The following ACTR10 variants were observed in gnomAD, a reference collection of about 807,000 sequenced individuals.
The protein encoded by ACTR10 is actin-related protein 10.
A neutral mutation model predicts 56.2 loss-of-function variants in ACTR10; 43 were observed. That is an observed-to-expected ratio of 0.77 (90% CI 0.60 to 0.99). The LOEUF is 0.99. ACTR10 is among the 50% of genes least tolerant of loss of function. The pLI, the probability that ACTR10 is intolerant of heterozygous loss-of-function variation, is 0.00. For missense variants in ACTR10, 466 were observed against 507.8 expected (o/e 0.92, Z 0.79); for synonymous variants, 170 against 176.3 (o/e 0.96, Z 0.28).
chr14:58,233,554 G>T (rs1339522859), intron 12 of ACTR10, among the ~76,000 whole-genome samples: 1 of 152,204 alleles, frequency 6.6e-6, no homozygotes, highest in East Asian at 1.9e-4. Context: ...GACTATTCAT[G>T]TTATTGGTAA....
intron 10 of ACTR10, among the ~76,000 whole-genome samples, chr14:58,226,456 A>G (rs1028831709): frequency 6.6e-6 from 1 of 151,424 alleles, no homozygotes; most frequent in South Asian, 2.1e-4. Context: ...AGGAAATTCA[A>G]TGAACATGGA....
chr14:58,232,014 C>T, intron 11 of ACTR10, 52 bp from the exon 12 acceptor site: 1 of 1,170,042 alleles, frequency 8.5e-7, no homozygotes, highest in South Asian at 1.6e-5. Context: ...TTCAATCAAG[C>T]ATTATTTGTA....
At chr14:58,227,029 A>G (rs1312536860) in intron 10 of ACTR10, among the ~76,000 whole-genome samples, 3 of 152,216 alleles carry the variant, frequency 2.0e-5, no homozygotes, top group Non-Finnish European at 4.4e-5. Flanking sequence ...AAAAAATCGT[A>G]TACTAAACAT....
rs754063779 is a variant in ACTR10, at chr14:58,208,025, T to A, written c.233+7T>A. Reference sequence around the variant, plus strand: ...TCCACATACTATATTTCAGGTAAGATACATTTTGTTTTCTAGCTTTTATGA... The same window carrying A: ...TCCACATACTATATTTCAGGTAAGAAACATTTTGTTTTCTAGCTTTTATGA... On this transcript the variant is annotated splice_region_variant and intron_variant, in intron 3 of 12. Coordinates refer to ENST00000254286, the MANE Select transcript of ACTR10 (RefSeq NM_018477.3). The A allele has an allele frequency of 6.0e-6, 9 of 1,502,214 alleles. No individual in the cohort carries two copies. In the East Asian group the frequency reaches 1.3e-4, roughly 22 times the overall value. The allele number at this position is 1,502,214 out of a possible 1,614,324, so 93.1% of individuals were successfully genotyped here.
chr14:58,211,123 TCAA>T, intron 4 of ACTR10, 166 bp from the exon 5 acceptor site: 1 of 506,002 alleles, frequency 2.0e-6, no homozygotes, highest in Non-Finnish European at 3.5e-6. Flanking sequence ...TTTATATAAA[TCAA>T]CAAACTAGTT....
In ACTR10 at chr14:58,234,463, C is replaced by A. The variant is rs1487125944; in HGVS notation, c.1166C>A (p.Ser389Tyr). Residue 389 changes from serine (S) to tyrosine (Y), a missense_variant, in exon 13 of 13, where the codon TCT (serine) becomes TAT (tyrosine). Coordinates refer to ENST00000254286, the MANE Select transcript of ACTR10 (RefSeq NM_018477.3). ...ACGGGCCGTATACCTGATTGGTGTT[C>A]TCTCAATAACCCACCTTTGGAAATG... ...NQTGRIPDWC[S>Y]LNNPPLEMMF... 2 of 1,613,246 alleles carry A rather than the reference C, an allele frequency of 1.2e-6. No individual in the cohort carries two copies. Among genetic ancestry groups the A allele is most frequent in the Non-Finnish European group, 1.7e-6 (2 of 1,179,618 alleles).
At chr14:58,226,193 G>A (rs1175666621) in intron 10 of ACTR10, among the ~76,000 whole-genome samples, 2 of 152,100 alleles carry the variant, frequency 1.3e-5, no homozygotes, top group African/African-American at 4.8e-5. Flanking sequence ...TTGAGCCCAG[G>A]AGTTTGAGGT....
chr14:58,213,573 A>C, intron 5 of ACTR10, 58 bp from the exon 6 acceptor site: 1 of 1,235,292 alleles, frequency 8.1e-7, no homozygotes, highest in Non-Finnish European at 1.1e-6. Flanking sequence ...GGTGAGGAAA[A>C]TATCAAGGAA....
intron 2 of ACTR10, among the ~76,000 whole-genome samples, chr14:58,206,035 G>A (rs536418381): frequency 1.3e-5 from 2 of 152,020 alleles, no homozygotes; most frequent in South Asian, 2.1e-4. Flanking sequence ...AAAAACGGGG[G>A]CGGGGGATGG....
Position 58,209,031 on chromosome 14 carries a change from T to C in ACTR10, c.266T>C (p.Val89Ala). Residue 89 changes from valine to alanine, a missense_variant, in exon 4 of 13, where the codon GTT (valine) becomes GCT (alanine). By Grantham distance (64) the Val-to-Ala change is moderately conservative. Transcript: ENST00000254286. ...TTGGTGAATCCCAGAGACCGCCGAG[T>C]TGTGATTATCGAATCGGTATTATGT... is the stretch of plus-strand genomic sequence containing the variant. ...HLLVNPRDRR[V>A]VIIESVLCPS... The C allele has an allele frequency of 6.2e-7, 1 of 1,612,702 alleles. No homozygotes were observed. Among genetic ancestry groups the C allele is most frequent in the East Asian group, 2.2e-5 (1 of 44,818 alleles).
chr14:58,232,650 G>A (rs1216308596), intron 12 of ACTR10, among the ~76,000 whole-genome samples: 2 of 151,506 alleles, frequency 1.3e-5, no homozygotes, highest in African/African-American at 4.8e-5. Context: ...TCTTGACCTC[G>A]TGATCCACCC....
intron 6 of ACTR10, among the ~76,000 whole-genome samples, 165 bp from the exon 7 acceptor site, chr14:58,215,040 A>C (rs1889099680): frequency 6.6e-6 from 1 of 151,960 alleles, no homozygotes; most frequent in African/African-American, 2.4e-5. Context: ...TAGGAGGTGA[A>C]TGTTGCAGTG....
chr14:58,221,694 T>C (rs1889273644), intron 8 of ACTR10, among the ~76,000 whole-genome samples: 1 of 152,176 alleles, frequency 6.6e-6, no homozygotes, highest in Non-Finnish European at 1.5e-5. Flanking sequence ...TGAGCCAAGA[T>C]CACGCCATTG....
At chr14:58,224,385 C>G (rs1227777145) in intron 10 of ACTR10, among the ~76,000 whole-genome samples, 3 of 151,974 alleles carry the variant, frequency 2.0e-5, no homozygotes, top group Non-Finnish European at 4.4e-5. Context: ...CTCATAAATA[C>G]AAGAATTAGC....
intron 8 of ACTR10, among the ~76,000 whole-genome samples, chr14:58,220,206 T>C (rs2140055644): frequency 6.6e-6 from 1 of 152,342 alleles, no homozygotes; most frequent in South Asian, 2.1e-4. Context: ...GGTTTTCTGG[T>C]ATTTTTATTC....
chr14:58,224,547 G>A (rs1889354660), intron 10 of ACTR10, among the ~76,000 whole-genome samples: 1 of 152,108 alleles, frequency 6.6e-6, no homozygotes, highest in South Asian at 2.1e-4. Context: ...ACGCCTGGCT[G>A]GTAGTTCACA....
At chr14:58,223,726 T>A in intron 9 of ACTR10, 25 bp downstream of exon 9, 1 of 1,583,936 alleles carries the variant, frequency 6.3e-7, no homozygotes, top group Non-Finnish European at 8.6e-7. Context: ...AAAAAAGGCA[T>A]CTTTTTGCAA....
chr14:58,208,611 C>T (rs1267665726), intron 3 of ACTR10, among the ~76,000 whole-genome samples: 4 of 151,278 alleles, frequency 2.6e-5, no homozygotes, highest in African/African-American at 9.7e-5. Context: ...ACCAGCTACT[C>T]AGGAGGTTGA....
At chr14:58,206,101 T>C (rs538283032) in intron 2 of ACTR10, among the ~76,000 whole-genome samples, 1 of 152,314 alleles carries the variant, frequency 6.6e-6, no homozygotes, top group East Asian at 1.9e-4. Flanking sequence ...TTGGCATTAC[T>C]GTGTTACCAG....
Sources: gnomAD v4.1 joint callset for allele counts (sites outside exome capture counted in the v4.1 genomes callset) on GRCh38, gnomAD v4.1.1 for gene constraint, MANE v1.5 for transcripts, NCBI Gene and HGNC (gene_info 2026-07-23, HGNC 2026-07-21) for gene names.